PPFIA2: variants seen among roughly 807,000 people sequenced by gnomAD.
PPFIA2 encodes the protein liprin-alpha-2.
In PPFIA2, 46 loss-of-function variants were observed where a neutral mutation model predicts 175.5. The observed-to-expected ratio is 0.26, with a 90% CI of 0.21 to 0.34. The LOEUF is 0.34. Among genes scored for constraint, PPFIA2 ranks in the 10% least tolerant of loss-of-function variants. The pLI, the probability that PPFIA2 is intolerant of heterozygous loss-of-function variation, is 1.00. For synonymous variants in PPFIA2, 568 were observed against 511.4 expected, an observed-to-expected ratio of 1.11 and a Z score of -1.49; for missense variants, 1,179 against 1,506.1, an observed-to-expected ratio of 0.78 and a Z score of 3.60.
chr12:81,488,888 G>T (rs1345974920), intron 4 of PPFIA2, among the ~76,000 whole-genome samples: 1 of 151,760 alleles, frequency 6.6e-6, no homozygotes, highest in Non-Finnish European at 1.5e-5. Context: ...AAAGGGCAGG[G>T]TCTTAATGTG....
chr12:81,272,765 A>G (rs2039481098), intron 28 of PPFIA2, among the ~76,000 whole-genome samples: 1 of 152,170 alleles, frequency 6.6e-6, no homozygotes, highest in South Asian at 2.1e-4. Context: ...TCTTCTTAAA[A>G]GGACTTTTAT....
intron 4 of PPFIA2, among the ~76,000 whole-genome samples, chr12:81,487,211 G>A (rs1383827670): frequency 6.6e-6 from 1 of 151,850 alleles, no homozygotes; most frequent in Admixed American, 6.6e-5. Context: ...AGGGAGAAAG[G>A]TGACCCCTGG....
intron 4 of PPFIA2, among the ~76,000 whole-genome samples, chr12:81,482,892 A>ATC: frequency 6.6e-6 from 1 of 152,254 alleles, no homozygotes; most frequent in East Asian, 1.9e-4. Flanking sequence ...ATATATATAT[A>ATC]TACTGTGCTG....
chr12:81,721,965 A>G (rs2079411887), intron 3 of PPFIA2, among the ~76,000 whole-genome samples: 1 of 151,098 alleles, frequency 6.6e-6, no homozygotes, highest in Admixed American at 6.6e-5. Context: ...TTATTATTTA[A>G]AACAATGTGC....
At chr12:81,674,475 C>A (rs920015353) in intron 4 of PPFIA2, among the ~76,000 whole-genome samples, 2 of 151,930 alleles carry the variant, frequency 1.3e-5, no homozygotes, top group Non-Finnish European at 2.9e-5. Flanking sequence ...CAAGACCAGC[C>A]TGACCAACAC....
At chr12:81,699,965 C>T (rs982375411) in intron 3 of PPFIA2, among the ~76,000 whole-genome samples, 2 of 151,936 alleles carry the variant, frequency 1.3e-5, no homozygotes, top group African/African-American at 2.4e-5. Flanking sequence ...GTTCATAGTA[C>T]ATAATATAGT....
chr12:81,655,756 C>A (rs541983823), intron 4 of PPFIA2, among the ~76,000 whole-genome samples: 1 of 151,842 alleles, frequency 6.6e-6, no homozygotes, highest in Non-Finnish European at 1.5e-5. Context: ...ATAAAGTAAG[C>A]GCTCTATATA....
intron 4 of PPFIA2, among the ~76,000 whole-genome samples, chr12:81,602,650 C>G (rs1189654004): frequency 6.6e-6 from 1 of 151,812 alleles, no homozygotes; most frequent in Non-Finnish European, 1.5e-5. Flanking sequence ...CATTCACTTT[C>G]CTAACACCTA....
At chr12:81,555,606 T>C (rs2068713346) in intron 4 of PPFIA2, among the ~76,000 whole-genome samples, 1 of 151,986 alleles carries the variant, frequency 6.6e-6, no homozygotes, top group Non-Finnish European at 1.5e-5. Context: ...CATAGGTTTG[T>C]TTAAATTAAT....
intron 22 of PPFIA2, among the ~76,000 whole-genome samples, chr12:81,320,741 A>G (rs1461673950): frequency 6.6e-6 from 1 of 152,080 alleles, no homozygotes; most frequent in Non-Finnish European, 1.5e-5. Context: ...ATAAATAACA[A>G]TTCAATGGAT....
chr12:81,757,632 T>C, intron 2 of PPFIA2, among the ~76,000 whole-genome samples: 1 of 152,216 alleles, frequency 6.6e-6, no homozygotes, highest in South Asian at 2.1e-4. Flanking sequence ...GCCTTGACTG[T>C]CTTTTAAATT....
chr12:81,716,959 T>A (rs1202884997), intron 3 of PPFIA2, among the ~76,000 whole-genome samples: 14 of 150,724 alleles, frequency 9.3e-5, no homozygotes, highest in African/African-American at 3.4e-4. Context: ...AAAAAAAAAA[T>A]GACAAGGTAT....
rs370808743 is a variant in PPFIA2, at chr12:81,593,711, T to C, written c.303+83080A>G. On this transcript the variant is annotated intron_variant, in intron 4 of 32. Coordinates refer to ENST00000549396, the MANE Select transcript of PPFIA2 (RefSeq NM_003625.5). ...GGAGGTAGCATGTGAGATAAGTCTTTAAGAAAAATTTTCCAGTGGGCACTT... is the reference window on the plus strand; with the variant it reads ...GGAGGTAGCATGTGAGATAAGTCTTCAAGAAAAATTTTCCAGTGGGCACTT... Among the ~76,000 whole-genome samples the C allele has an allele frequency of 3.3e-5, 5 of 152,174 alleles. No homozygotes were observed. The South Asian group carries it at 6.2e-4, about 19-fold the overall frequency.
rs2073320619 is a variant in PPFIA2 at position 81,575,335 on chromosome 12, T to C, written c.303+101456A>G. On this transcript the variant is annotated intron_variant, in intron 4 of 32. Transcript: ENST00000549396. ...CAGTTAGGTTTTATGACAAAGCAGA[T>C]AGTTACAAATTCATTACTACTGCTG... Among the ~76,000 whole-genome samples, 3 of 151,848 alleles carry C rather than the reference T, an allele frequency of 2.0e-5. 1 individual carries two copies. In the South Asian group the frequency reaches 6.2e-4, roughly 31 times the overall value.
intron 9 of PPFIA2, among the ~76,000 whole-genome samples, chr12:81,380,850 C>T (rs1172840674): frequency 1.3e-5 from 2 of 152,034 alleles, no homozygotes; most frequent in African/African-American, 4.8e-5. Context: ...CCATGTAATA[C>T]ACCCGTAATA....
chr12:81,506,013 A>G (rs2061129301), intron 4 of PPFIA2: 1 of 152,190 alleles, frequency 6.6e-6, no homozygotes, highest in Admixed American at 6.5e-5. Context: ...AGAGCATCCG[A>G]CAGGGTTGCC....
chr12:81,525,232 G>T (rs2063599191), intron 4 of PPFIA2, among the ~76,000 whole-genome samples: 1 of 152,070 alleles, frequency 6.6e-6, no homozygotes, highest in Non-Finnish European at 1.5e-5. Context: ...TTTTTCCTCT[G>T]GTGTTCACTT....
rs1261437178 is a variant in PPFIA2 at position 81,500,836 on chromosome 12, C to T, written c.304-42970G>A. On this transcript the variant is annotated intron_variant, in intron 4 of 32. Transcript: ENST00000549396. Reference sequence around the variant, plus strand: ...CCTGAATTTTATCTGTTAATTTAACCCTGATTTCTCAGCAGCAGCTTCTCT... The same window carrying T: ...CCTGAATTTTATCTGTTAATTTAACTCTGATTTCTCAGCAGCAGCTTCTCT... 2.6e-5 allele frequency among the ~76,000 whole-genome samples: 4 copies of T among 152,124 alleles called. No homozygotes were observed. The East Asian group carries it at 7.7e-4, about 29-fold the overall frequency.
chr12:81,515,038 G>T (rs2062241827), intron 4 of PPFIA2, among the ~76,000 whole-genome samples: 1 of 151,928 alleles, frequency 6.6e-6, no homozygotes, highest in African/African-American at 2.4e-5. Context: ...GAGAGAGAAA[G>T]TATGTGTTTC....
Sources: gnomAD v4.1 joint callset for allele counts (sites outside exome capture counted in the v4.1 genomes callset) on GRCh38, gnomAD v4.1.1 for gene constraint, MANE v1.5 for transcripts, NCBI Gene and HGNC (gene_info 2026-07-23, HGNC 2026-07-21) for gene names.